Variants in PRDM1 observed in about 807,000 individuals in gnomAD.
PRDM1 encodes PR domain zinc finger protein 1.
PRDM1 carries 13 observed loss-of-function variants against 62.8 expected under a neutral mutation model. The observed-to-expected ratio is 0.21, with a 90% CI of 0.13 to 0.33. The LOEUF (loss-of-function observed/expected upper bound fraction) is 0.33. PRDM1 is among the 10% of genes least tolerant of loss of function. The probability of loss-of-function intolerance (pLI) is 1.00; values close to 1 mark genes in which losing one functional copy is unlikely to be tolerated. For synonymous variants in PRDM1, 396 were observed against 417.6 expected, an observed-to-expected ratio of 0.95 and a Z score of 0.63; for missense variants, 895 against 1,058.8, an observed-to-expected ratio of 0.85 and a Z score of 2.15.
chr6:106,081,312 G>T (rs1357189252), intron 1 of PRDM1, among the ~76,000 whole-genome samples: 1 of 152,184 alleles, frequency 6.6e-6, no homozygotes, highest in African/African-American at 2.4e-5. Flanking sequence ...GTGTACCTTA[G>T]GTCCAGTAAG....
At chr6:106,105,957 C>T in intron 5 of PRDM1, 24 bp downstream of exon 5, 1 of 1,596,430 alleles carries the variant, frequency 6.3e-7, no homozygotes, top group Non-Finnish European at 8.5e-7. Context: ...GAGAGCAGTC[C>T]AAGGGGCTGT....
At chr6:106,012,910 G>T (rs1772575125) in intron 1 of PRDM1, among the ~76,000 whole-genome samples, 2 of 152,294 alleles carry the variant, frequency 1.3e-5, no homozygotes, top group African/African-American at 2.4e-5. Context: ...ATAAGATTTG[G>T]CATATCCTTT....
intron 1 of PRDM1, among the ~76,000 whole-genome samples, chr6:106,040,080 C>G (rs1180258974): frequency 6.6e-6 from 1 of 152,242 alleles, no homozygotes; most frequent in Non-Finnish European, 1.5e-5. Context: ...TGTTTGGGCA[C>G]TGCCCAGCGA....
At chr6:106,026,409 G>A (rs1372701263) in intron 1 of PRDM1, among the ~76,000 whole-genome samples, 2 of 152,092 alleles carry the variant, frequency 1.3e-5, no homozygotes, top group Non-Finnish European at 2.9e-5. Context: ...AACCCGGGAG[G>A]CAGAGGTTGC....
At chr6:106,002,557 C>G (rs1435952187) in intron 1 of PRDM1, among the ~76,000 whole-genome samples, 1 of 152,150 alleles carries the variant, frequency 6.6e-6, no homozygotes, top group African/African-American at 2.4e-5. Flanking sequence ...ACAAAGATAT[C>G]TAACTCTTAA....
intron 1 of PRDM1, among the ~76,000 whole-genome samples, chr6:106,059,439 C>T (rs896933765): frequency 2.0e-5 from 3 of 152,076 alleles, no homozygotes; most frequent in East Asian, 1.9e-4. Flanking sequence ...AAACAAAAAC[C>T]GTGTCTGGAG....
Position 106,007,405 on chromosome 6 carries a change from G to C in PRDM1, c.-67+13766G>C. The stretch of plus-strand genomic sequence containing the variant: ...AGATGGCGCCACTGCACTCCAGCCT[G>C]GGTGACAGAGCGAGATCCATCTCAA... On this transcript the variant is annotated intron_variant, in intron 1 of 6. Coordinates refer to the PRDM1 transcript ENST00000652320. Among the ~76,000 whole-genome samples the C allele has an allele frequency of 1.3e-5, 2 of 151,164 alleles. 1 individual carries two copies. The highest frequency in any genetic ancestry group is 3.0e-5 in the Non-Finnish European group (2 of 67,546).
rs760651087 is a variant in PRDM1 at position 106,086,609 on chromosome 6, A to AT, written c.42+26dup. ...GGTACGACCTTGGTAAGGAACTTGA[A>AT]TTTTTTTTTTTTAATTCTGAAATTG... On this transcript the variant is annotated intron_variant, in intron 1 of 6. Coordinates refer to ENST00000369096, the MANE Select transcript of PRDM1 (RefSeq NM_001198.4). 58,035 of 1,029,502 alleles carry AT rather than the reference A, an allele frequency of 0.056. 1 individual carries two copies. Among genetic ancestry groups the AT allele is most frequent in the South Asian group, 0.063 (3,134 of 49,830 alleles). 63.8% of individuals were successfully genotyped at this position (1,029,502 alleles called of 1,614,324 possible). A position where few individuals can be genotyped will look rare whatever the true frequency, so the allele number is the denominator to read the frequency against.
intron 1 of PRDM1, among the ~76,000 whole-genome samples, chr6:106,069,632 G>A (rs997411019): frequency 4.6e-5 from 7 of 152,214 alleles, no homozygotes; most frequent in Admixed American, 1.3e-4. Flanking sequence ...AAAGAGGGAC[G>A]AGCTTCTCAG....
intron 1 of PRDM1, among the ~76,000 whole-genome samples, chr6:106,027,360 A>G (rs965649179): frequency 1.3e-5 from 2 of 152,246 alleles, no homozygotes; most frequent in East Asian, 1.9e-4. Flanking sequence ...GAAGGGGGGA[A>G]AAACTTCACC....
chr6:105,997,151 C>G (rs528644994), intron 1 of PRDM1, among the ~76,000 whole-genome samples: 112 of 152,260 alleles, frequency 7.4e-4, no homozygotes, highest in African/African-American at 2.6e-3. Flanking sequence ...GTAACTCAGC[C>G]GTCCAAATGA....
At chr6:106,085,847 C>T (rs1451308139), upstream of PRDM1, among the ~76,000 whole-genome samples, 1 of 126,514 alleles carries the variant, frequency 7.9e-6, no homozygotes, top group Non-Finnish European at 1.6e-5. Flanking sequence ...AATGTTACAA[C>T]TTTTGGGGCG....
At chr6:105,993,523 A>G (rs181112769) in exon 1 of PRDM1, among the ~76,000 whole-genome samples, 70 of 152,344 alleles carry the variant, frequency 4.6e-4, no homozygotes, top group Admixed American at 1.9e-3. Flanking sequence ...CATCTAGGCC[A>G]GCAGGGAAGG....
At chr6:106,016,943 T>C (rs971546056) in intron 1 of PRDM1, among the ~76,000 whole-genome samples, 1 of 152,200 alleles carries the variant, frequency 6.6e-6, no homozygotes, top group Non-Finnish European at 1.5e-5. Context: ...TGAGCCACCG[T>C]GCCTGGCCGC....
chr6:106,030,843 T>A (rs188246071), intron 1 of PRDM1, among the ~76,000 whole-genome samples: 3 of 152,330 alleles, frequency 2.0e-5, no homozygotes, highest in African/African-American at 7.2e-5. Flanking sequence ...AGATCAAATA[T>A]GTGCGGGTCT....
At chr6:106,102,268 A>G (rs1416577446) in intron 4 of PRDM1, among the ~76,000 whole-genome samples, 1 of 152,212 alleles carries the variant, frequency 6.6e-6, no homozygotes. Context: ...TTTCTTTTTC[A>G]TGTTAACTCA....
At chr6:106,080,379 G>T (rs1582454497) in intron 1 of PRDM1, among the ~76,000 whole-genome samples, 2 of 152,288 alleles carry the variant, frequency 1.3e-5, no homozygotes, top group East Asian at 3.9e-4. Flanking sequence ...CAGAGTCATT[G>T]ATTTGGACTC....
At chr6:105,998,923 ATATATATATATTTTTT>A (rs1772392550) in intron 1 of PRDM1, among the ~76,000 whole-genome samples, 1 of 2,164 alleles carries the variant, frequency 4.6e-4, no homozygotes, top group Non-Finnish European at 9.9e-4. Flanking sequence ...ATATATATAT[ATATATATATATTTTTT>A]TTTTTTTTTT....
intron 1 of PRDM1, among the ~76,000 whole-genome samples, chr6:106,057,693 G>C (rs1773286655): frequency 6.6e-6 from 1 of 152,060 alleles, no homozygotes; most frequent in African/African-American, 2.4e-5. Context: ...TAAATCATTT[G>C]GAGTGACAGA....
Sources: allele counts gnomAD v4.1 joint callset (sites outside exome capture counted in the v4.1 genomes callset), GRCh38; gene constraint gnomAD v4.1.1; transcripts MANE v1.5; gene names NCBI Gene and HGNC (gene_info 2026-07-23, HGNC 2026-07-21).